The following ARPP21 variants were observed in gnomAD, a reference collection of about 807,000 sequenced individuals.
ARPP21 encodes cAMP regulated phosphoprotein 21.
Under a neutral mutation model 113.2 loss-of-function variants are expected in ARPP21, and 69 were observed. The observed-to-expected ratio is 0.61, with a 90% CI of 0.50 to 0.74. The LOEUF is 0.74. ARPP21 is among the 30% of genes least tolerant of loss of function. The probability of loss-of-function intolerance (pLI) is 0.00; values close to 1 mark genes in which losing one functional copy is unlikely to be tolerated. For synonymous variants in ARPP21, 368 were observed against 375.5 expected (o/e 0.98, Z 0.23); for missense variants, 1,070 against 1,037.4 (o/e 1.03, Z -0.43).
chr3:35,749,064 G>T (rs1207554009), intron 19 of ARPP21, among the ~76,000 whole-genome samples: 1 of 152,190 alleles, frequency 6.6e-6, no homozygotes, highest in Non-Finnish European at 1.5e-5. Context: ...ATGCTAACAT[G>T]GATGATTGCA....
At chr3:35,789,197 A>G (rs2096693897) in intron 19 of ARPP21, among the ~76,000 whole-genome samples, 1 of 152,252 alleles carries the variant, frequency 6.6e-6, no homozygotes, top group Admixed American at 6.5e-5. Flanking sequence ...TCATTTGAAT[A>G]GACAAGATAA....
intron 13 of ARPP21, among the ~76,000 whole-genome samples, chr3:35,718,662 T>C (rs2092726567): frequency 6.6e-6 from 1 of 152,104 alleles, no homozygotes. Context: ...CACACAATTG[T>C]AAAAGCAATT....
At chr3:35,675,205 T>TTTTTTTTTTTTGAGAC (rs2077189486) in intron 1 of ARPP21, among the ~76,000 whole-genome samples, 1 of 151,678 alleles carries the variant, frequency 6.6e-6, no homozygotes, top group African/African-American at 2.4e-5. Flanking sequence ...ACCTTTCATG[T>TTTTTTTTTTTTGAGAC]GGGTAAATTA....
In ARPP21 at chr3:35,652,988, G is replaced by A. The variant is rs572371259; in HGVS notation, c.-213+12590G>A. Among the ~76,000 whole-genome samples, 7 of 152,114 alleles carry A rather than the reference G, an allele frequency of 4.6e-5. No individual in the cohort carries two copies. The South Asian group carries it at 1.0e-3, about 23-fold the overall frequency. On this transcript the variant is annotated intron_variant, in intron 1 of 20. Coordinates refer to ENST00000684406, the MANE Select transcript of ARPP21 (RefSeq NM_001385562.1). ...CTTGTGAGTATTATTTGCTGAAGGCGCAGGGACAGTGATAAGTGAAAAGTC... is the reference window on the plus strand; with the variant it reads ...CTTGTGAGTATTATTTGCTGAAGGCACAGGGACAGTGATAAGTGAAAAGTC...
chr3:35,646,493 G>A (rs114244249), intron 1 of ARPP21, among the ~76,000 whole-genome samples: 3,312 of 152,170 alleles, frequency 0.022, 113 homozygotes, highest in African/African-American at 0.075. Flanking sequence ...GAATTCTGCA[G>A]CATTTGCAAG....
chr3:35,641,366 G>T (rs765038873), intron 1 of ARPP21: 1 of 152,112 alleles, frequency 6.6e-6, no homozygotes, highest in African/African-American at 2.4e-5. Flanking sequence ...GATAAAAACT[G>T]CTATGATTGT....
chr3:35,781,723 G>A (rs1190085688), intron 19 of ARPP21: 1 of 152,052 alleles, frequency 6.6e-6, no homozygotes, highest in Non-Finnish European at 1.5e-5. Context: ...GACATCATCT[G>A]GTGTCCACTA....
chr3:35,686,710 G>A (rs906029744), intron 5 of ARPP21, among the ~76,000 whole-genome samples: 7 of 151,586 alleles, frequency 4.6e-5, no homozygotes, highest in African/African-American at 1.7e-4. Flanking sequence ...ACTAGTGGAA[G>A]AAAGCTTTGC....
At chr3:35,754,128 A>AGGAG (rs1452365137) in intron 19 of ARPP21, among the ~76,000 whole-genome samples, 3 of 151,932 alleles carry the variant, frequency 2.0e-5, no homozygotes, top group Non-Finnish European at 4.4e-5. Flanking sequence ...AGATGCATTA[A>AGGAG]TTTATAAACA....
chr3:35,654,945 A>G (rs761902739), intron 1 of ARPP21, among the ~76,000 whole-genome samples: 4 of 152,080 alleles, frequency 2.6e-5, no homozygotes, highest in Non-Finnish European at 5.9e-5. Context: ...AAGTAAACTA[A>G]CAACCAAAAT....
At chr3:35,668,503 C>T (rs186549981) in intron 1 of ARPP21, among the ~76,000 whole-genome samples, 28 of 152,154 alleles carry the variant, frequency 1.8e-4, no homozygotes, top group Admixed American at 1.8e-3. Context: ...GTGGTCAGGC[C>T]ACAGAGTTGC....
At chr3:35,773,511 T>C (rs961294274) in intron 19 of ARPP21, among the ~76,000 whole-genome samples, 1 of 152,230 alleles carries the variant, frequency 6.6e-6, no homozygotes, top group Admixed American at 6.5e-5. Context: ...AAATGGTTTT[T>C]ACCAGTGTTA....
rs780294691 is a variant in ARPP21 at position 35,708,955 on chromosome 3, T to A, written c.796-14T>A. ...CAACTTGGATAACCCTCCTGATTTC[T>A]TTTTTCTGTTCAGCAAAACAGAATG... On this transcript the variant is annotated splice_polypyrimidine_tract_variant and intron_variant, in intron 10 of 20. Coordinates refer to ENST00000684406, the MANE Select transcript of ARPP21 (RefSeq NM_001385562.1). 1 of 1,599,610 alleles carries A rather than the reference T, an allele frequency of 6.3e-7. No homozygotes were observed. Among genetic ancestry groups the A allele is most frequent in the Non-Finnish European group, 8.6e-7 (1 of 1,168,444 alleles).
At chr3:35,733,400 A>G (rs2094132193) in intron 15 of ARPP21, among the ~76,000 whole-genome samples, 1 of 152,312 alleles carries the variant, frequency 6.6e-6, no homozygotes, top group Non-Finnish European at 1.5e-5. Context: ...CCTGCTCTGC[A>G]TTCAAAGTGC....
chr3:35,733,526 G>C (rs1035305438), intron 15 of ARPP21, among the ~76,000 whole-genome samples: 1 of 152,186 alleles, frequency 6.6e-6, no homozygotes. Context: ...TAACTAGGCC[G>C]AGGGCCAGCC....
At chr3:35,738,363 T>A in intron 17 of ARPP21, 45 bp downstream of exon 17, 1 of 1,457,710 alleles carries the variant, frequency 6.9e-7, no homozygotes, top group Non-Finnish European at 9.3e-7. Context: ...GGAAAGCATA[T>A]TCTCTGATTT....
intron 9 of ARPP21, among the ~76,000 whole-genome samples, chr3:35,693,332 G>T (rs559143260): frequency 5.9e-5 from 9 of 151,730 alleles, no homozygotes; most frequent in African/African-American, 2.2e-4. Flanking sequence ...TCAATTCATA[G>T]CTGTCATGTT....
Position 35,710,887 on chromosome 3 carries a change from G to A in ARPP21, c.897+1817G>A, listed in dbSNP as rs564840557. Among the ~76,000 whole-genome samples, 10 of 152,314 alleles carry A rather than the reference G, an allele frequency of 6.6e-5. No individual in the cohort carries two copies. The South Asian group carries it at 1.9e-3, about 28-fold the overall frequency. ...TGCATTTCCTTACAACCTTGTTAAC[G>A]AGATTAACAGCTGGGGATCTGGGTT... On this transcript the variant is annotated intron_variant, in intron 11 of 20. Transcript: ENST00000684406.
intron 14 of ARPP21, among the ~76,000 whole-genome samples, chr3:35,728,508 G>A (rs906021033): frequency 2.0e-5 from 3 of 146,512 alleles, no homozygotes; most frequent in African/African-American, 7.4e-5. Context: ...GTGAACCACT[G>A]TGCCCAGCCC....
Sources: allele counts gnomAD v4.1 joint callset (sites outside exome capture counted in the v4.1 genomes callset), GRCh38; gene constraint gnomAD v4.1.1; transcripts MANE v1.5; gene names NCBI Gene and HGNC (gene_info 2026-07-23, HGNC 2026-07-21).